The following NGEF variants were observed in gnomAD, a reference collection of about 807,000 sequenced individuals.
NGEF encodes the protein neuronal guanine nucleotide exchange factor, also known as ephexin-1.
A neutral mutation model predicts 80.9 loss-of-function variants in NGEF; 31 were observed. The ratio of observed to expected loss-of-function variants is 0.38; its 90% CI spans 0.29 to 0.52. The LOEUF is 0.52. Among genes scored for constraint, NGEF ranks in the 20% least tolerant of loss-of-function variants. The pLI is 0.84. For synonymous variants in NGEF, 371 were observed against 370.2 expected (o/e 1.00, Z -0.03); for missense variants, 709 against 926.2 (o/e 0.77, Z 3.04).
chr2:232,946,211 C>T (rs1321885644), intron 3 of NGEF, among the ~76,000 whole-genome samples: 1 of 151,594 alleles, frequency 6.6e-6, no homozygotes, highest in Non-Finnish European at 1.5e-5. Context: ...TATGTTCTCA[C>T]TCATAAATGG....
intron 1 of NGEF, among the ~76,000 whole-genome samples, chr2:232,982,799 C>A (rs1694460013): frequency 6.6e-6 from 1 of 152,220 alleles, no homozygotes; most frequent in African/African-American, 2.4e-5. Context: ...CAGGCTTGAG[C>A]CACTGCGCCC....
At chr2:232,937,893 G>T (rs709936) in intron 3 of NGEF, among the ~76,000 whole-genome samples, 38,286 of 152,132 alleles carry the variant, frequency 0.25, 5,226 homozygotes, top group Non-Finnish European at 0.31. Context: ...TGATCTGTCT[G>T]TGTGAGTCCA....
At chr2:232,942,612 C>T (rs1255497287) in intron 3 of NGEF, among the ~76,000 whole-genome samples, 1 of 152,148 alleles carries the variant, frequency 6.6e-6, no homozygotes, top group African/African-American at 2.4e-5. Context: ...CTGTCCAACT[C>T]ACGCCTGTAA....
intron 1 of NGEF, among the ~76,000 whole-genome samples, chr2:232,979,387 CACACACACAG>C (rs63429960): frequency 0.4 from 30,660 of 77,006 alleles, 4,250 homozygotes; most frequent in African/African-American, 0.56. Flanking sequence ...CACACACACA[CACACACACAG>C]GAAGAGATTG....
Position 232,881,179 on chromosome 2 carries a change from C to T in NGEF, c.1909G>A (p.Asp637Asn), listed in dbSNP as rs558838324. Residue 637 changes from aspartate to asparagine, a missense_variant, in exon 14 of 15, where the codon GAC (aspartate) becomes AAC (asparagine). This residue lies in a region of NGEF where 426 missense variants were observed against 622.9 expected (regional missense o/e 0.68). Coordinates refer to ENST00000264051, the MANE Select transcript of NGEF (RefSeq NM_019850.3). The stretch of plus-strand genomic sequence containing the variant: ...GTCTTGTCCAGGATGTTGAGGATGT[C>T]GGCGAGCTCCAGCGTCAGCTCGTCT... ...QPDELTLELA[D>N]ILNILDKTDD... 6.8e-6 allele frequency: 11 copies of T among 1,612,274 alleles called. No individual in the cohort carries two copies. The highest frequency in any genetic ancestry group is 6.7e-5 in the East Asian group (3 of 44,852).
intron 1 of NGEF, among the ~76,000 whole-genome samples, chr2:232,980,826 C>G (rs968682770): frequency 8.5e-5 from 13 of 152,272 alleles, no homozygotes; most frequent in Admixed American, 3.9e-4. Context: ...GTCCCTAGAG[C>G]CCCCTCAGGC....
intron 1 of NGEF, among the ~76,000 whole-genome samples, chr2:233,004,433 T>C (rs988832979): frequency 6.6e-6 from 1 of 152,212 alleles, no homozygotes; most frequent in Admixed American, 6.5e-5. Context: ...CTTCTTGGCC[T>C]TGACTCCAGG....
At chr2:232,928,230 G>T (rs1466109160) in intron 3 of NGEF, 201 of 943,840 alleles carry the variant, frequency 2.1e-4, no homozygotes, top group Non-Finnish European at 2.0e-4. Context: ...CGCGCGGCGG[G>T]GGCGAGGCCG....
In NGEF at chr2:232,883,424, C is replaced by T. The variant is rs781620825; in HGVS notation, c.1644G>A (p.Leu548=). ...CCTGGTCCTCCAGCTCCTCCACACG[C>T]AGCAGTCCCCGCGGAGCTGAGTCAA... ...QVFDSAPRGL[L]RVEELEDQGQ... Residue 548 remains leucine (L), a synonymous_variant, in exon 12 of 15, where the codon CTG becomes CTA. Transcript: ENST00000264051. 5.7e-5 allele frequency: 92 copies of T among 1,609,766 alleles called. 1 individual carries two copies. Among genetic ancestry groups the T allele is most frequent in the Admixed American group, 8.4e-5 (5 of 59,428 alleles).
At chr2:232,961,500 T>C in intron 3 of NGEF, among the ~76,000 whole-genome samples, 1 of 152,072 alleles carries the variant, frequency 6.6e-6, no homozygotes. Flanking sequence ...ATTTTTTATT[T>C]TTTATTTTTT....
intron 6 of NGEF, 120 bp from the exon 7 acceptor site, chr2:232,893,170 G>C (rs1002622363): frequency 3.2e-5 from 31 of 971,472 alleles, no homozygotes; most frequent in Non-Finnish European, 4.7e-5. Context: ...CACGGTGAGC[G>C]TACAGGCCGA....
At chr2:232,906,884 C>G (rs1363521912) in intron 5 of NGEF, among the ~76,000 whole-genome samples, 2 of 150,508 alleles carry the variant, frequency 1.3e-5, no homozygotes, top group South Asian at 4.2e-4. Flanking sequence ...GACCTTACCC[C>G]CAACCCAGTG....
At chr2:232,918,168 G>A (rs1692851515) in intron 5 of NGEF, among the ~76,000 whole-genome samples, 1 of 152,154 alleles carries the variant, frequency 6.6e-6, no homozygotes, top group African/African-American at 2.4e-5. Flanking sequence ...ACATTTGCCA[G>A]GCTGGTCTCG....
intron 8 of NGEF, 115 bp from the exon 9 acceptor site, chr2:232,888,222 GCA>G (rs5839453): frequency 0.01 from 6,346 of 609,374 alleles, 26 homozygotes; most frequent in Middle Eastern, 0.024. Context: ...GCTGCAGCAT[GCA>G]CACACACACA....
rs552057403 is a variant in NGEF, at chr2:232,906,494, G to A, written c.829-11578C>T. Among the ~76,000 whole-genome samples the A allele has an allele frequency of 4.3e-5, 3 of 69,610 alleles. 1 individual carries two copies. The highest frequency in any genetic ancestry group is 1.8e-4 in the African/African-American group (3 of 17,042). The allele number at this position is 69,610 out of a possible 152,430, so 45.7% of individuals were successfully genotyped here. A position where few individuals can be genotyped will look rare whatever the true frequency, so the allele number is the denominator to read the frequency against. On this transcript the variant is annotated intron_variant, in intron 5 of 14. Transcript: ENST00000264051. Reference sequence around the variant, plus strand: ...TGGGAAGTGAGGAGCCCCTCTGCCCGGCCACCACCCCGTGTGGGAGGGAGG... The same window carrying A: ...TGGGAAGTGAGGAGCCCCTCTGCCCAGCCACCACCCCGTGTGGGAGGGAGG...
At chr2:232,959,016 G>A (rs184108612) in intron 3 of NGEF, among the ~76,000 whole-genome samples, 5 of 152,226 alleles carry the variant, frequency 3.3e-5, no homozygotes, top group Admixed American at 1.3e-4. Flanking sequence ...CCATTAGCAT[G>A]CCTAAAGAGA....
chr2:233,006,944 A>G (rs1695096714), intron 1 of NGEF, among the ~76,000 whole-genome samples: 1 of 152,168 alleles, frequency 6.6e-6, no homozygotes, highest in African/African-American at 2.4e-5. Flanking sequence ...ACCACCTTTA[A>G]TTTAAAACAT....
intron 3 of NGEF, among the ~76,000 whole-genome samples, chr2:232,930,761 C>T (rs1693200464): frequency 6.6e-6 from 1 of 152,238 alleles, no homozygotes; most frequent in African/African-American, 2.4e-5. Context: ...AGGATTTCAA[C>T]ACGTGAATGT....
intron 5 of NGEF, among the ~76,000 whole-genome samples, chr2:232,906,775 T>C (rs372501935): frequency 6.6e-6 from 1 of 151,428 alleles, no homozygotes; most frequent in East Asian, 2.0e-4. Flanking sequence ...AGAAATCGGA[T>C]GGTTGCGGTG....
Sources: allele counts gnomAD v4.1 joint callset (sites outside exome capture counted in the v4.1 genomes callset), GRCh38; gene constraint gnomAD v4.1.1; regional missense constraint gnomAD v4.1.1; transcripts MANE v1.5; gene names NCBI Gene and HGNC (gene_info 2026-07-23, HGNC 2026-07-21).